DDX46: variants seen among roughly 807,000 people sequenced by gnomAD.
DDX46 encodes DEAD-box helicase 46.
A neutral mutation model predicts 134.9 loss-of-function variants in DDX46; 30 were observed. The ratio of observed to expected loss-of-function variants is 0.22; its 90% CI spans 0.17 to 0.30. The LOEUF (loss-of-function observed/expected upper bound fraction) is 0.30. DDX46 is among the 10% of genes least tolerant of loss of function. DDX46 has a pLI of 1.00. For missense variants in DDX46, 622 were observed against 1,248.7 expected, an observed-to-expected ratio of 0.50 and a Z score of 7.56; for synonymous variants, 415 against 404.1, an observed-to-expected ratio of 1.03 and a Z score of -0.32.
intron 15 of DDX46, 69 bp downstream of exon 15, chr5:134,796,219 G>A (rs112663912): frequency 2.6e-6 from 4 of 1,520,242 alleles, no homozygotes; most frequent in Middle Eastern, 1.7e-4. Flanking sequence ...CTGTGTTCTC[G>A]ATGATACTTA....
Position 134,780,803 on chromosome 5 carries a change from G to A in DDX46, c.766-330G>A, listed in dbSNP as rs935351286. 2.6e-5 allele frequency: 4 copies of A among 156,324 alleles called. No homozygotes were observed. In the South Asian group the frequency reaches 7.7e-4, roughly 30 times the overall value. The allele number at this position is 156,324 out of a possible 1,614,324, so 9.7% of individuals were successfully genotyped here. On this transcript the variant is annotated intron_variant, in intron 6 of 22. Transcript: ENST00000452510. The stretch of plus-strand genomic sequence containing the variant: ...CCAGAACTTTGGTAGGCTGAGGCTG[G>A]TGGATCACTGGAGCCAAGTAGTTCA...
intron 20 of DDX46, among the ~76,000 whole-genome samples, chr5:134,818,458 T>C (rs543605180): frequency 1.4e-4 from 21 of 150,450 alleles, no homozygotes; most frequent in African/African-American, 5.1e-4. Context: ...TCCCAGCACT[T>C]TGGGAGACTA....
intron 13 of DDX46, 77 bp from the exon 14 acceptor site, chr5:134,794,773 T>A: frequency 6.5e-7 from 1 of 1,540,554 alleles, no homozygotes; most frequent in Admixed American, 2.0e-5. Context: ...AAAAGTTCCT[T>A]TTACTTGGTT....
At chr5:134,786,671 C>G (rs1008583535) in intron 11 of DDX46, among the ~76,000 whole-genome samples, 3 of 152,078 alleles carry the variant, frequency 2.0e-5, no homozygotes, top group African/African-American at 7.2e-5. Flanking sequence ...GGCGAGACTC[C>G]CCGTCTCTAC....
intron 15 of DDX46, among the ~76,000 whole-genome samples, chr5:134,807,385 C>T (rs1755023376): frequency 6.6e-6 from 1 of 152,082 alleles, no homozygotes; most frequent in Non-Finnish European, 1.5e-5. Context: ...AACCGAGTAG[C>T]AAGGCTCTAA....
chr5:134,770,574 G>A (rs145133290), intron 3 of DDX46, among the ~76,000 whole-genome samples: 9 of 152,266 alleles, frequency 5.9e-5, no homozygotes, highest in Admixed American at 5.9e-4. Context: ...CACATTGAGA[G>A]GCTGAGGTGG....
At chr5:134,777,358 T>G (rs113934301) in intron 5 of DDX46, among the ~76,000 whole-genome samples, 1,615 of 152,378 alleles carry the variant, frequency 0.011, 17 homozygotes, top group African/African-American at 0.037. Context: ...TATTCATATT[T>G]ATTTTGTCAT....
chr5:134,825,847 T>A (rs901171530), intron 21 of DDX46: 2 of 152,190 alleles, frequency 1.3e-5, no homozygotes, highest in African/African-American at 4.8e-5. Context: ...GCACCTCAAC[T>A]ACAGCAATTT....
chr5:134,764,325 C>G (rs1188815869), intron 2 of DDX46, among the ~76,000 whole-genome samples: 1 of 150,658 alleles, frequency 6.6e-6, no homozygotes, highest in East Asian at 2.0e-4. Flanking sequence ...CTCTGTTGCT[C>G]AGACTGGAGT....
intron 15 of DDX46, among the ~76,000 whole-genome samples, chr5:134,806,710 G>A (rs1049199378): frequency 6.6e-6 from 1 of 152,164 alleles, no homozygotes; most frequent in East Asian, 1.9e-4. Context: ...GCTAAACAGT[G>A]TATGTTAAAC....
intron 14 of DDX46, 104 bp from the exon 15 acceptor site, chr5:134,795,884 G>A: frequency 1.9e-6 from 2 of 1,041,172 alleles, no homozygotes; most frequent in South Asian, 3.2e-5. Flanking sequence ...TAAAGATATA[G>A]CAAGATATTG....
chr5:134,775,784 G>T (rs749040622), intron 5 of DDX46, among the ~76,000 whole-genome samples: 18 of 152,084 alleles, frequency 1.2e-4, no homozygotes, highest in Non-Finnish European at 2.4e-4. Flanking sequence ...GAGCCATTAC[G>T]CCCAGCCAAG....
chr5:134,771,689 A>G (rs254707), intron 4 of DDX46, among the ~76,000 whole-genome samples: 10,479 of 151,730 alleles, frequency 0.069, 791 homozygotes, highest in African/African-American at 0.2. Context: ...GTGACAGAGC[A>G]AGACTCTGTC....
At chr5:134,816,270 G>A (rs1257929610) in intron 18 of DDX46, among the ~76,000 whole-genome samples, 160 bp from the exon 19 acceptor site, 1 of 152,010 alleles carries the variant, frequency 6.6e-6, no homozygotes, top group African/African-American at 2.4e-5. Flanking sequence ...ACAAATAGGT[G>A]GTATATTTTC....
At chr5:134,784,309 G>A in intron 9 of DDX46, 57 bp from the exon 10 acceptor site, 2 of 1,543,978 alleles carry the variant, frequency 1.3e-6, no homozygotes, top group South Asian at 1.3e-5. Context: ...CATAGGACCT[G>A]TCTGGGGCCC....
At chr5:134,766,229 CTTA>C (rs765037106) in intron 2 of DDX46, among the ~76,000 whole-genome samples, 22 of 152,138 alleles carry the variant, frequency 1.4e-4, no homozygotes, top group East Asian at 7.7e-4. Flanking sequence ...TAATTACAGA[CTTA>C]TTATGGTTTT....
intron 16 of DDX46, among the ~76,000 whole-genome samples, chr5:134,808,980 G>A: frequency 6.6e-6 from 1 of 152,084 alleles, no homozygotes; most frequent in East Asian, 1.9e-4. Flanking sequence ...TCCTTAAAAC[G>A]ATTTAAGTGT....
chr5:134,820,965 A>G (rs529453992), intron 21 of DDX46, among the ~76,000 whole-genome samples: 1 of 148,770 alleles, frequency 6.7e-6, no homozygotes, highest in Non-Finnish European at 1.5e-5. Flanking sequence ...TCCTGGGTTC[A>G]AGTAATTCTC....
intron 16 of DDX46, among the ~76,000 whole-genome samples, chr5:134,809,321 A>G (rs76549512): frequency 0.013 from 1,925 of 152,300 alleles, 40 homozygotes; most frequent in African/African-American, 0.044. Flanking sequence ...GTAGGAGTAC[A>G]AAAGCAGACC....
Sources: allele counts gnomAD v4.1 joint callset (sites outside exome capture counted in the v4.1 genomes callset), GRCh38; gene constraint gnomAD v4.1.1; transcripts MANE v1.5; gene names NCBI Gene and HGNC (gene_info 2026-07-23, HGNC 2026-07-21).